DOCK9: variants seen among roughly 807,000 people sequenced by gnomAD.
DOCK9 encodes the protein dedicator of cytokinesis protein 9.
Under a neutral mutation model 263.3 loss-of-function variants are expected in DOCK9, and 89 were observed. The ratio of observed to expected loss-of-function variants is 0.34; its 90% CI spans 0.28 to 0.40. The LOEUF is 0.40. Among genes scored for constraint, DOCK9 ranks in the 10% least tolerant of loss-of-function variants. The pLI, the probability that DOCK9 is intolerant of heterozygous loss-of-function variation, is 1.00. For missense variants in DOCK9, 2,140 were observed against 2,603.4 expected (o/e 0.82, Z 3.87); for synonymous variants, 976 against 973.1 (o/e 1.00, Z -0.06).
At chr13:98,809,947 G>GATGT (rs2091145971) in intron 46 of DOCK9, among the ~76,000 whole-genome samples, 2 of 152,278 alleles carry the variant, frequency 1.3e-5, no homozygotes, top group South Asian at 4.1e-4. Flanking sequence ...TGTAGTTTGA[G>GATGT]ATGTGGGGGT....
At chr13:99,042,201 T>C (rs1213305369) in intron 1 of DOCK9, among the ~76,000 whole-genome samples, 4 of 152,226 alleles carry the variant, frequency 2.6e-5, no homozygotes, top group African/African-American at 4.8e-5. Flanking sequence ...TTCTAACAAG[T>C]CTAACAGGTA....
intron 38 of DOCK9, among the ~76,000 whole-genome samples, chr13:98,845,081 T>G (rs1031703437): frequency 9.2e-5 from 14 of 152,336 alleles, no homozygotes; most frequent in African/African-American, 3.1e-4. Context: ...GGTTGATATC[T>G]TTCAGGTGTT....
At chr13:99,027,299 T>C (rs1187679516) in intron 1 of DOCK9, among the ~76,000 whole-genome samples, 1 of 152,198 alleles carries the variant, frequency 6.6e-6, no homozygotes, top group Admixed American at 6.5e-5. Context: ...ATTACAGGCA[T>C]GAGCCACCAC....
chr13:98,808,433 T>G (rs1351523181), intron 47 of DOCK9, among the ~76,000 whole-genome samples: 1 of 152,136 alleles, frequency 6.6e-6, no homozygotes, highest in Non-Finnish European at 1.5e-5. Context: ...GTGAAAAAGG[T>G]TGAAAATTAA....
intron 3 of DOCK9, among the ~76,000 whole-genome samples, chr13:98,928,011 A>C (rs1234516304): frequency 3.9e-5 from 4 of 102,038 alleles, no homozygotes; most frequent in Non-Finnish European, 7.0e-5. Flanking sequence ...ATACAAAAAA[A>C]AAAAAAAACA....
chr13:98,921,994 A>C, intron 6 of DOCK9, 57 bp downstream of exon 6: 1 of 1,373,524 alleles, frequency 7.3e-7, no homozygotes. Flanking sequence ...ATTGTTCTCG[A>C]GCTCTATGGC....
At chr13:99,022,887 C>T (rs974117938) in intron 1 of DOCK9, among the ~76,000 whole-genome samples, 2 of 152,050 alleles carry the variant, frequency 1.3e-5, no homozygotes, top group East Asian at 1.9e-4. Flanking sequence ...AATCGAAGGC[C>T]GCATTGAGCT....
At chr13:99,009,940 A>G (rs776270613) in intron 1 of DOCK9, among the ~76,000 whole-genome samples, 28 of 152,162 alleles carry the variant, frequency 1.8e-4, no homozygotes, top group Non-Finnish European at 2.2e-4. Context: ...TGTTGAAGAC[A>G]GTTAGGAAAT....
rs556471194 is a variant in DOCK9 at position 98,944,056 on chromosome 13, T to C, written c.243+11379A>G. Among the ~76,000 whole-genome samples, 29 of 152,326 alleles carry C rather than the reference T, an allele frequency of 1.9e-4. No homozygotes were observed. In the South Asian group the frequency reaches 5.2e-3, roughly 27 times the overall value. On this transcript the variant is annotated intron_variant, in intron 2 of 52. Transcript: ENST00000682017. ...GGTTTGCAAATATGGTCTGCATTTA[T>C]CCAATTCCACCAATTGTAGAATTTT...
intron 9 of DOCK9, 112 bp from the exon 10 acceptor site, chr13:98,904,818 T>TCCAACACGAGGCAGA: frequency 2.2e-6 from 2 of 892,934 alleles, no homozygotes; most frequent in Non-Finnish European, 3.4e-6. Context: ...TGGAAAGCTC[T>TCCAACACGAGGCAGA]GCCTCGTGTT....
chr13:99,064,557 T>G (rs1437106482), intron 1 of DOCK9, among the ~76,000 whole-genome samples: 1 of 152,210 alleles, frequency 6.6e-6, no homozygotes, highest in Non-Finnish European at 1.5e-5. Flanking sequence ...TTCTCTCACC[T>G]GGAAAAAGTA....
chr13:99,009,746 T>G (rs1884135631), intron 1 of DOCK9, among the ~76,000 whole-genome samples: 1 of 152,038 alleles, frequency 6.6e-6, no homozygotes, highest in African/African-American at 2.4e-5. Context: ...TCTTCAACTC[T>G]GCTGTCTTTG....
chr13:99,043,926 A>G (rs1343084138), intron 1 of DOCK9, among the ~76,000 whole-genome samples: 3 of 152,170 alleles, frequency 2.0e-5, no homozygotes, highest in African/African-American at 7.2e-5. Flanking sequence ...GCCTCAGAAG[A>G]GCACCTCATA....
intron 27 of DOCK9, 92 bp from the exon 28 acceptor site, chr13:98,868,469 A>T: frequency 7.1e-7 from 1 of 1,404,988 alleles, no homozygotes; most frequent in Non-Finnish European, 9.5e-7. Context: ...ATCTTAAAAA[A>T]CCCAGAGTTT....
intron 27 of DOCK9, among the ~76,000 whole-genome samples, chr13:98,874,925 ACT>A (rs941579361): frequency 2.0e-5 from 3 of 150,918 alleles, no homozygotes; most frequent in African/African-American, 7.3e-5. Context: ...CTTGTTTTTC[ACT>A]CTTTCCCCTC....
intron 46 of DOCK9, among the ~76,000 whole-genome samples, chr13:98,809,915 G>A (rs1245534966): frequency 6.6e-6 from 1 of 152,140 alleles, no homozygotes; most frequent in South Asian, 2.1e-4. Flanking sequence ...GCAGCCTTTC[G>A]AAAGTGGAGT....
At chr13:98,947,897 C>G (rs1476529017) in intron 2 of DOCK9, among the ~76,000 whole-genome samples, 1 of 152,172 alleles carries the variant, frequency 6.6e-6, no homozygotes, top group African/African-American at 2.4e-5. Context: ...GAAAGTTACA[C>G]TGTTGGCCAC....
intron 1 of DOCK9, among the ~76,000 whole-genome samples, chr13:99,059,055 C>T (rs1206308378): frequency 2.0e-5 from 3 of 152,188 alleles, no homozygotes; most frequent in Non-Finnish European, 2.9e-5. Context: ...CTCCACTACC[C>T]GTCCTGTAAA....
chr13:99,035,112 G>A (rs1206330414), intron 1 of DOCK9, among the ~76,000 whole-genome samples: 1 of 151,858 alleles, frequency 6.6e-6, no homozygotes, highest in South Asian at 2.1e-4. Flanking sequence ...TTCATGTGCA[G>A]GTTTGCTCAA....
Sources: allele counts gnomAD v4.1 joint callset (sites outside exome capture counted in the v4.1 genomes callset), GRCh38; gene constraint gnomAD v4.1.1; transcripts MANE v1.5; gene names NCBI Gene and HGNC (gene_info 2026-07-23, HGNC 2026-07-21).